Variants in BLVRA observed in about 807,000 individuals in gnomAD.
BLVRA encodes biliverdin reductase A, also known as BVR A.
In BLVRA, 22 loss-of-function variants were observed where a neutral mutation model predicts 32.8. The observed-to-expected ratio is 0.67, with a 90% confidence interval of 0.48 to 0.96. The LOEUF (loss-of-function observed/expected upper bound fraction) is 0.96. Among genes scored for constraint, BLVRA ranks in the 40% least tolerant of loss-of-function variants. BLVRA has a pLI of 0.00. For missense variants in BLVRA, 323 were observed against 358.1 expected (o/e 0.90, Z 0.79); for synonymous variants, 119 against 141.3 (o/e 0.84, Z 1.12).
chr7:43,771,743 T>G (rs1434637644), intron 2 of BLVRA, among the ~76,000 whole-genome samples: 1 of 152,194 alleles, frequency 6.6e-6, no homozygotes, highest in East Asian at 1.9e-4. Context: ...GAGGGGGGTC[T>G]TGGGTGAGTG....
intron 5 of BLVRA, 86 bp from the exon 6 acceptor site, chr7:43,800,378 GT>G (rs2095797307): frequency 1.6e-6 from 2 of 1,281,136 alleles, no homozygotes. Flanking sequence ...TTCATGTCTT[GT>G]GTTAGGGGAT....
intron 3 of BLVRA, among the ~76,000 whole-genome samples, 186 bp from the exon 4 acceptor site, chr7:43,791,063 C>T (rs1410003411): frequency 6.6e-6 from 1 of 152,192 alleles, no homozygotes; most frequent in African/African-American, 2.4e-5. Flanking sequence ...GCCAGATCCC[C>T]TGACTTGAAC....
intron 6 of BLVRA, among the ~76,000 whole-genome samples, chr7:43,801,449 C>T (rs2095798608): frequency 6.6e-6 from 1 of 152,214 alleles, no homozygotes; most frequent in Non-Finnish European, 1.5e-5. Context: ...CGTTGGGCAC[C>T]TGGGCCACCA....
intron 6 of BLVRA, 99 bp downstream of exon 6, chr7:43,800,671 C>T: frequency 1.8e-6 from 2 of 1,109,442 alleles, no homozygotes; most frequent in South Asian, 2.6e-5. Flanking sequence ...CATTTCTGCT[C>T]AAGACTCTCT....
chr7:43,798,234 A>T (rs2095794995), intron 5 of BLVRA, among the ~76,000 whole-genome samples: 1 of 144,052 alleles, frequency 6.9e-6, no homozygotes, highest in East Asian at 2.1e-4. Flanking sequence ...AAAGGAAACG[A>T]TGCTGTTTTT....
At chr7:43,782,874 T>C (rs1054656094) in intron 2 of BLVRA, among the ~76,000 whole-genome samples, 2 of 151,918 alleles carry the variant, frequency 1.3e-5, no homozygotes, top group Non-Finnish European at 2.9e-5. Flanking sequence ...TTGAATGTGA[T>C]GAGAAGGTCT....
intron 6 of BLVRA, among the ~76,000 whole-genome samples, chr7:43,801,679 A>G (rs552838518): frequency 4.4e-4 from 67 of 152,230 alleles, no homozygotes; most frequent in Non-Finnish European, 9.0e-4. Context: ...CCATATGACA[A>G]TCCTATAAAG....
At chr7:43,796,481 G>T (rs2095793017) in intron 5 of BLVRA, among the ~76,000 whole-genome samples, 1 of 152,114 alleles carries the variant, frequency 6.6e-6, no homozygotes, top group Non-Finnish European at 1.5e-5. Flanking sequence ...TCAAAAAGTG[G>T]TCCCAGGAAA....
rs183257970 is a variant in BLVRA at position 43,765,908 on chromosome 7, T to G, written c.-21-5230T>G. 1.4e-4 allele frequency among the ~76,000 whole-genome samples: 21 copies of G among 152,338 alleles called. No homozygotes were observed. The East Asian group carries it at 3.8e-3, about 28-fold the overall frequency. ...CGATAATGTAGAAACAACTCAACTA[T>G]TTGGAGAAATGTAAATTTAGAGCCT... On this transcript the variant is annotated intron_variant, in intron 1 of 7. Transcript: ENST00000265523.
intron 2 of BLVRA, among the ~76,000 whole-genome samples, chr7:43,773,505 A>G (rs2095757062): frequency 6.6e-6 from 1 of 152,184 alleles, no homozygotes; most frequent in Admixed American, 6.5e-5. Flanking sequence ...TCCATGGTGT[A>G]TATGTGCCAC....
At chr7:43,767,176 T>A in intron 1 of BLVRA, 1 of 542,574 alleles carries the variant, frequency 1.8e-6, no homozygotes, top group East Asian at 3.1e-5. Context: ...AACAATAAAG[T>A]TCATAAGTAA....
At chr7:43,805,273 T>A (rs1179672575) in intron 7 of BLVRA, among the ~76,000 whole-genome samples, 1 of 119,984 alleles carries the variant, frequency 8.3e-6, no homozygotes, top group Non-Finnish European at 1.7e-5. Flanking sequence ...AGAGGCTGAC[T>A]CTCTCTCTCT....
chr7:43,788,000 C>G lies in BLVRA; in HGVS notation c.109C>G (p.Leu37Val), dbSNP rs17245918. ...LRNPHPSSAF[L>V]NLIGFVSRRE... ...GAATCCACACCCTTCCTCAGCGTTCCTGAACCTGATTGGCTTCGTGTCGAG... is the reference window on the plus strand; with the variant it reads ...GAATCCACACCCTTCCTCAGCGTTCGTGAACCTGATTGGCTTCGTGTCGAG... The change falls in exon 3 of 8, where the codon CTG becomes GTG. Residue 37 changes from leucine (L) to valine (V), a missense_variant. By Grantham distance (32) the Leu-to-Val change is conservative. Coordinates refer to ENST00000265523, the MANE Select transcript of BLVRA (RefSeq NM_000712.4). This position sits in a 1 kb window ranked among gnomAD's most constrained non-coding sequence, Gnocchi z 4.5. The G allele has an allele frequency of 7.4e-5, 120 of 1,614,100 alleles. 3 individuals carry two copies. In the Admixed American group the frequency reaches 2.0e-3, roughly 27 times the overall value.
rs918651389 is a variant in BLVRA, at chr7:43,807,196, T to C, written c.852T>C (p.Leu284=). 1 of 1,611,058 alleles carries C rather than the reference T, an allele frequency of 6.2e-7. No individual in the cohort carries two copies. Among genetic ancestry groups the C allele is most frequent in the Admixed American group, 1.7e-5 (1 of 60,022 alleles). Residue 284 remains leucine (L), a synonymous_variant, in exon 8 of 8, where the codon CTT becomes CTC. Coordinates refer to ENST00000265523, the MANE Select transcript of BLVRA (RefSeq NM_000712.4). ...AACGCATCCTGCACTGCCTGGGGCT[T>C]GCAGAAGAAATCCAGAAATATTGCT... The part of the protein sequence containing the change: ...EKKRILHCLG[L]AEEIQKYCCS...
intron 2 of BLVRA, among the ~76,000 whole-genome samples, chr7:43,774,263 T>C (rs1327782278): frequency 1.3e-5 from 2 of 152,234 alleles, no homozygotes; most frequent in African/African-American, 4.8e-5. Context: ...TAGGGTTTTA[T>C]GGTTTTAGGT....
At chr7:43,782,861 C>T (rs1406650764) in intron 2 of BLVRA, among the ~76,000 whole-genome samples, 3 of 152,046 alleles carry the variant, frequency 2.0e-5, no homozygotes, top group Non-Finnish European at 4.4e-5. Context: ...TGAGAAGAAG[C>T]CCTTGAATGT....
intron 5 of BLVRA, among the ~76,000 whole-genome samples, chr7:43,796,734 T>G (rs74338127): frequency 0.012 from 1,781 of 152,282 alleles, 35 homozygotes; most frequent in African/African-American, 0.041. Context: ...CTTCTGTGCC[T>G]CAAAGGAAGC....
At chr7:43,772,520 G>C (rs2095755774) in intron 2 of BLVRA, among the ~76,000 whole-genome samples, 1 of 152,216 alleles carries the variant, frequency 6.6e-6, no homozygotes, top group African/African-American at 2.4e-5. Context: ...AGAAGAAAGG[G>C]GGATGTATCC....
At chr7:43,804,421 A>C (rs1009437590) in intron 7 of BLVRA, among the ~76,000 whole-genome samples, 4 of 151,490 alleles carry the variant, frequency 2.6e-5, no homozygotes, top group Non-Finnish European at 5.9e-5. Flanking sequence ...AGCCTGGGCA[A>C]CAGAGCGAGA....
Sources: gnomAD v4.1 joint callset for allele counts (sites outside exome capture counted in the v4.1 genomes callset) on GRCh38, gnomAD v4.1.1 for gene constraint, Gnocchi (gnomAD v3.1) non-coding constraint, MANE v1.5 for transcripts, NCBI Gene and HGNC (gene_info 2026-07-23, HGNC 2026-07-21) for gene names.